Variants in WDR37 observed in about 807,000 individuals in gnomAD.
The protein encoded by WDR37 is WD repeat-containing protein 37.
Under a neutral mutation model 62.9 loss-of-function variants are expected in WDR37, and 19 were observed. That is an observed-to-expected ratio of 0.30 (90% confidence interval 0.21 to 0.44). The LOEUF (loss-of-function observed/expected upper bound fraction) is 0.44. WDR37 is among the 20% of genes least tolerant of loss of function. WDR37 has a pLI of 1.00. For missense variants in WDR37, 474 were observed against 657.6 expected (o/e 0.72, Z 3.05); for synonymous variants, 250 against 260.9 (o/e 0.96, Z 0.40).
At chr10:1,094,785 A>G (rs1303306271) in intron 8 of WDR37, among the ~76,000 whole-genome samples, 2 of 152,008 alleles carry the variant, frequency 1.3e-5, no homozygotes, top group Admixed American at 6.6e-5. Flanking sequence ...GGTAATGGGG[A>G]TAGAGAGGAG....
intron 5 of WDR37, among the ~76,000 whole-genome samples, chr10:1,082,972 A>AGGCC (rs1834078422): frequency 4.6e-5 from 7 of 152,224 alleles, no homozygotes; most frequent in African/African-American, 1.7e-4. Context: ...TATGTTAGAA[A>AGGCC]TGGTGAGAGG....
chr10:1,095,217 G>C (rs74117825), intron 8 of WDR37, among the ~76,000 whole-genome samples: 1 of 151,068 alleles, frequency 6.6e-6, no homozygotes, highest in African/African-American at 2.4e-5. Context: ...ATGGAGAGAG[G>C]AGAGTTAGAC....
rs533172880 is a variant in WDR37, at chr10:1,092,052, C to T, written c.605-1400C>T. On this transcript the variant is annotated intron_variant, in intron 7 of 13. Transcript: ENST00000263150. ...AAAATTAGCCGGGCGTGTTGGCGGG[C>T]GCCTGTGGTCCCAGCTACTTGGGAG... Among the ~76,000 whole-genome samples, 25 of 151,368 alleles carry T rather than the reference C, an allele frequency of 1.7e-4. No homozygotes were observed. In the East Asian group the frequency reaches 4.6e-3, roughly 28 times the overall value.
At chr10:1,110,149 G>A (rs922803673) in intron 11 of WDR37, among the ~76,000 whole-genome samples, 4 of 152,164 alleles carry the variant, frequency 2.6e-5, no homozygotes, top group Admixed American at 1.3e-4. Context: ...TCTCTTTGGC[G>A]CTAATTTTGT....
intron 11 of WDR37, among the ~76,000 whole-genome samples, chr10:1,117,523 C>T (rs1338880201): frequency 6.6e-6 from 1 of 152,226 alleles, no homozygotes; most frequent in Non-Finnish European, 1.5e-5. Context: ...AATCGCTCTA[C>T]TGGACAGCTT....
chr10:1,068,625 C>T (rs1833628309), intron 1 of WDR37, among the ~76,000 whole-genome samples: 1 of 152,028 alleles, frequency 6.6e-6, no homozygotes, highest in Middle Eastern at 3.2e-3. Context: ...CTGAATCTCT[C>T]ATGTGTTCCT....
In WDR37 at chr10:1,124,370, G is replaced by A. The variant is rs374445176; in HGVS notation, c.1238+18G>A. The A allele has an allele frequency of 1.2e-6, 2 of 1,613,840 alleles. No individual in the cohort carries two copies. The highest frequency in any genetic ancestry group is 1.3e-5 in the African/African-American group (1 of 74,934). The stretch of plus-strand genomic sequence containing the variant: ...ATTAACAGGTAAAGTCAAACTGTTG[G>A]TTAAGTAAGTGGCTTAGTTTGATGT... On this transcript the variant is annotated intron_variant, in intron 12 of 13. Coordinates refer to ENST00000263150, the MANE Select transcript of WDR37 (RefSeq NM_014023.4).
chr10:1,126,405 C>CAA lies in WDR37; in HGVS notation c.1353+1382_1353+1383insAA, dbSNP rs745441088. Among the ~76,000 whole-genome samples the CAA allele has an allele frequency of 3.8e-4, 48 of 125,530 alleles. 2 individuals carry two copies. The highest frequency in any genetic ancestry group is 8.2e-4 in the Admixed American group (10 of 12,192). The allele number at this position is 125,530 out of a possible 152,430, so 82.4% of individuals were successfully genotyped here. On this transcript the variant is annotated intron_variant, in intron 13 of 13. Transcript: ENST00000263150. ...TGGGCGACAGAGCGAGACTGTGTCT[C>CAA]AGAAAAAAAAAAAAGAAACTCCCCG...
chr10:1,121,034 A>G lies in WDR37; in HGVS notation c.1104-3184A>G, dbSNP rs1244778156. ...GCTGCCCCACACGACAAGATAAATG[A>G]GTTTGCCGGAGTTTGGCAGCGTCGG... On this transcript the variant is annotated intron_variant, in intron 11 of 13. Coordinates refer to ENST00000263150, the MANE Select transcript of WDR37 (RefSeq NM_014023.4). The surrounding 1 kb of genome is among the most constrained non-coding windows in gnomAD (Gnocchi z 4.5). 6.6e-6 allele frequency among the ~76,000 whole-genome samples: 1 copy of G among 152,132 alleles called. No individual in the cohort carries two copies. The highest frequency in any genetic ancestry group is 1.5e-5 in the Non-Finnish European group (1 of 68,028).
intron 1 of WDR37, among the ~76,000 whole-genome samples, chr10:1,066,368 G>A (rs566730356): frequency 9.2e-5 from 14 of 152,104 alleles, no homozygotes; most frequent in South Asian, 4.1e-4. Context: ...CGTCCACCTT[G>A]ACCTCCCAAA....
At chr10:1,062,359 A>G (rs1833399752) in intron 1 of WDR37, among the ~76,000 whole-genome samples, 1 of 152,246 alleles carries the variant, frequency 6.6e-6, no homozygotes, top group Non-Finnish European at 1.5e-5. Flanking sequence ...AAAACTTATA[A>G]TTTTGATGAG....
intron 3 of WDR37, 74 bp downstream of exon 3, chr10:1,078,077 C>T (rs897820399): frequency 8.6e-7 from 1 of 1,167,388 alleles, no homozygotes; most frequent in South Asian, 1.4e-5. Flanking sequence ...AGACATTCAT[C>T]ACTATATTAG....
intron 6 of WDR37, among the ~76,000 whole-genome samples, chr10:1,085,537 C>T (rs1270657220): frequency 1.3e-5 from 2 of 152,142 alleles, no homozygotes; most frequent in East Asian, 1.9e-4. Flanking sequence ...GCATAATACC[C>T]CTTGAGATAA....
At chr10:1,081,545 CT>C (rs1208903858) in intron 5 of WDR37, among the ~76,000 whole-genome samples, 3 of 152,002 alleles carry the variant, frequency 2.0e-5, no homozygotes, top group African/African-American at 7.2e-5. Flanking sequence ...ACTTGATAGT[CT>C]TTGGTAATTC....
intron 11 of WDR37, among the ~76,000 whole-genome samples, chr10:1,114,182 G>A (rs1835312252): frequency 1.3e-5 from 2 of 151,934 alleles, no homozygotes; most frequent in Admixed American, 6.6e-5. Context: ...GTCTCAAACT[G>A]CTAACCTCAA....
At chr10:1,128,723 C>A (rs115102538) in intron 13 of WDR37, among the ~76,000 whole-genome samples, 1 of 152,192 alleles carries the variant, frequency 6.6e-6, no homozygotes, top group Admixed American at 6.5e-5. Flanking sequence ...TGCTTTTGGG[C>A]GGGTTCCACC....
chr10:1,071,219 G>A lies in WDR37; in HGVS notation c.-40-897G>A, dbSNP rs779105447. Reference sequence around the variant, plus strand: ...GAGGCATGTTGGCGTCTGGGAGGTCGTGGGCGTGTCCTGCTTTGCCTTTGA... The same window carrying A: ...GAGGCATGTTGGCGTCTGGGAGGTCATGGGCGTGTCCTGCTTTGCCTTTGA... On this transcript the variant is annotated intron_variant, in intron 1 of 13. Transcript: ENST00000263150. Among the ~76,000 whole-genome samples the A allele has an allele frequency of 4.6e-5, 7 of 152,164 alleles. No homozygotes were observed. In the East Asian group the frequency reaches 7.7e-4, roughly 17 times the overall value.
intron 1 of WDR37, among the ~76,000 whole-genome samples, chr10:1,057,954 A>T (rs776957592): frequency 1.3e-4 from 20 of 152,210 alleles, no homozygotes; most frequent in Non-Finnish European, 2.8e-4. Flanking sequence ...ATCTCCAGGA[A>T]CTTTCTTCGT....
chr10:1,073,459 T>C (rs752061372), intron 2 of WDR37, among the ~76,000 whole-genome samples: 14 of 152,210 alleles, frequency 9.2e-5, no homozygotes, highest in Non-Finnish European at 1.3e-4. Flanking sequence ...TTACCTCAAA[T>C]TAGATGATTA....
Sources: allele counts gnomAD v4.1 joint callset (sites outside exome capture counted in the v4.1 genomes callset), GRCh38; gene constraint gnomAD v4.1.1; non-coding constraint Gnocchi (gnomAD v3.1); transcripts MANE v1.5; gene names NCBI Gene and HGNC (gene_info 2026-07-23, HGNC 2026-07-21).